The following STK11 variants were observed in gnomAD, a reference collection of about 807,000 sequenced individuals.
STK11 encodes the protein serine/threonine kinase 11, also known as serine/threonine-protein kinase STK11.
A neutral mutation model predicts 47.3 loss-of-function variants in STK11; 8 were observed. The observed-to-expected ratio is 0.17, with a 90% CI of 0.10 to 0.31. The LOEUF (loss-of-function observed/expected upper bound fraction) is 0.31, where lower values mean the gene tolerates loss of function less well. Among genes scored for constraint, STK11 ranks in the 10% least tolerant of loss-of-function variants. The probability of loss-of-function intolerance (pLI) is 1.00; values close to 1 mark genes in which losing one functional copy is unlikely to be tolerated. For missense variants in STK11, 475 were observed against 605.0 expected (o/e 0.79, Z 2.25); for synonymous variants, 330 against 255.8 (o/e 1.29, Z -2.77).
At chr19:1,220,216 C>G (rs1473371029) in intron 3 of STK11, 157 bp from the exon 4 acceptor site, 6 of 1,034,208 alleles carry the variant, frequency 5.8e-6, no homozygotes, top group African/African-American at 3.2e-5. Context: ...GTGTGGCTCC[C>G]TGCTGGACCT....
In STK11 at chr19:1,223,980, G is replaced by A; in HGVS notation, c.1108+808G>A. Reference sequence around the variant, plus strand: ...GGCAGGGGCCGGCCTGAGAAGGGGGGTACGCCAGGCAGGTTGGGATGTGAG... The same window carrying A: ...GGCAGGGGCCGGCCTGAGAAGGGGGATACGCCAGGCAGGTTGGGATGTGAG... On this transcript the variant is annotated intron_variant, in intron 8 of 9. Transcript: ENST00000326873. 3 of 1,009,410 alleles carry A rather than the reference G, an allele frequency of 3.0e-6. No individual in the cohort carries two copies. The East Asian group carries it at 2.1e-4, about 71-fold the overall frequency. The allele number at this position is 1,009,410 out of a possible 1,614,324, so 62.5% of individuals were successfully genotyped here.
rs1294118446 is a variant in STK11 at position 1,228,352 on chromosome 19, A to AGACGCGGCGGG, written c.*780_*790dup. 4 of 242,330 alleles carry AGACGCGGCGGG rather than the reference A, an allele frequency of 1.7e-5. No homozygotes were observed. Among genetic ancestry groups the AGACGCGGCGGG allele is most frequent in the Non-Finnish European group, 3.2e-5 (4 of 126,978 alleles). The allele number at this position is 242,330 out of a possible 1,614,324, so 15.0% of individuals were successfully genotyped here. A position where few individuals can be genotyped will look rare whatever the true frequency, so the allele number is the denominator to read the frequency against. Reference sequence around the variant, plus strand: ...GAGAAACGCCATCGCGGGATGGTGCAGACGCGGCGGGGACTCGGAGGGTGC... The same window carrying AGACGCGGCGGG: ...GAGAAACGCCATCGCGGGATGGTGCAGACGCGGCGGGGACGCGGCGGGGACTCGGAGGGTGC... On this transcript the variant is annotated 3_prime_UTR_variant, in exon 10 of 10. Coordinates refer to ENST00000326873, the MANE Select transcript of STK11 (RefSeq NM_000455.5).
intron 1 of STK11, among the ~76,000 whole-genome samples, chr19:1,215,408 G>C (rs1302141291): frequency 6.6e-6 from 1 of 152,230 alleles, no homozygotes; most frequent in Non-Finnish European, 1.5e-5. Flanking sequence ...CAGGGCACCG[G>C]GCACAGCCAG....
At chr19:1,225,667 G>A (rs1250902473) in intron 8 of STK11, 26 of 985,452 alleles carry the variant, frequency 2.6e-5, no homozygotes, top group African/African-American at 3.5e-5. Flanking sequence ...CATTCTCGGA[G>A]CTGGGGCTCT....
chr19:1,221,500 G>T lies in STK11; in HGVS notation c.862+160G>T, dbSNP rs188403333. ...CCGACCTCCCCGCAGGGCCTGGTTT[G>T]CCAGGTCCCTCAGCTCCACCCTGCT... is the stretch of plus-strand genomic sequence containing the variant. On this transcript the variant is annotated intron_variant, in intron 6 of 9. Transcript: ENST00000326873. 614 of 1,158,438 alleles carry T rather than the reference G, an allele frequency of 5.3e-4. 1 individual carries two copies. The highest frequency in any genetic ancestry group is 2.7e-3 in the Middle Eastern group (9 of 3,362). 71.8% of individuals were successfully genotyped at this position (1,158,438 alleles called of 1,614,324 possible). A position where few individuals can be genotyped will look rare whatever the true frequency, so the allele number is the denominator to read the frequency against.
At position 1,207,072 on chromosome 19, in the gene STK11, C is replaced by T. The variant is rs876660426; in HGVS notation, c.159C>T (p.Asp53=). 2 of 1,613,918 alleles carry T rather than the reference C, an allele frequency of 1.2e-6. No homozygotes were observed. Among genetic ancestry groups the T allele is most frequent in the African/African-American group, 1.3e-5 (1 of 75,034 alleles). ...TCATCGGCAAGTACCTGATGGGGGA[C>T]CTGCTGGGGGAAGGCTCTTACGGCA... The part of the protein sequence containing the change: ...AKLIGKYLMG[D]LLGEGSYGKV... The change falls in exon 1 of 10, where the codon GAC becomes GAT. Residue 53 remains aspartate (D), a synonymous_variant. Coordinates refer to ENST00000326873, the MANE Select transcript of STK11 (RefSeq NM_000455.5).
intron 8 of STK11, chr19:1,224,423 G>C: frequency 2.0e-6 from 2 of 985,404 alleles, no homozygotes; most frequent in Non-Finnish European, 1.2e-6. Flanking sequence ...CCATCCTTGG[G>C]GCCTGGCTGC....
rs1333834752 is a variant in STK11, at chr19:1,222,102, G to T, written c.920+96G>T. 20 of 1,426,512 alleles carry T rather than the reference G, an allele frequency of 1.4e-5. No individual in the cohort carries two copies. In the Middle Eastern group the frequency reaches 1.9e-3, roughly 137 times the overall value. 88.4% of individuals were successfully genotyped at this position (1,426,512 alleles called of 1,614,324 possible). A position where few individuals can be genotyped will look rare whatever the true frequency, so the allele number is the denominator to read the frequency against. On this transcript the variant is annotated intron_variant, in intron 7 of 9. Coordinates refer to ENST00000326873, the MANE Select transcript of STK11 (RefSeq NM_000455.5). Reference sequence around the variant, plus strand: ...GGCGCTAGAGCAGGGCGTGGTGGGGGTGCCAGGCTGGGCTGGGGCCAGACC... The same window carrying T: ...GGCGCTAGAGCAGGGCGTGGTGGGGTTGCCAGGCTGGGCTGGGGCCAGACC...
chr19:1,226,679 G>C lies in STK11; in HGVS notation c.*16+16G>C, dbSNP rs762548463. On this transcript the variant is annotated intron_variant, in intron 9 of 9. Transcript: ENST00000326873. ...CCGCCTGCAGGTGGGGCGCGGCGGGGCCCGGGTGGGGCATGTGGGGACAAC... is the reference window on the plus strand; with the variant it reads ...CCGCCTGCAGGTGGGGCGCGGCGGGCCCCGGGTGGGGCATGTGGGGACAAC... 3.7e-5 allele frequency: 55 copies of C among 1,479,868 alleles called. No individual in the cohort carries two copies. The East Asian group carries it at 1.3e-3, about 36-fold the overall frequency. 91.7% of individuals were successfully genotyped at this position (1,479,868 alleles called of 1,614,324 possible). A position where few individuals can be genotyped will look rare whatever the true frequency, so the allele number is the denominator to read the frequency against.
intron 1 of STK11, chr19:1,216,363 C>G (rs929707806): frequency 1.2e-5 from 2 of 171,796 alleles, no homozygotes; most frequent in Non-Finnish European, 2.5e-5. Context: ...CGGTGACTCA[C>G]GAGAGCAAGA....
chr19:1,227,647 G>C lies in STK11; in HGVS notation c.*71G>C. The C allele has an allele frequency of 1.9e-6, 2 of 1,067,858 alleles. No individual in the cohort carries two copies. Among genetic ancestry groups the C allele is most frequent in the South Asian group, 4.5e-5 (1 of 22,016 alleles). 66.1% of individuals were successfully genotyped at this position (1,067,858 alleles called of 1,614,324 possible). ...GCGCCAGGCCCTCAGTCTTCCTGCCGGTTCCGCCCGCCCTCCCGGAGAGGT... is the reference window on the plus strand; with the variant it reads ...GCGCCAGGCCCTCAGTCTTCCTGCCCGTTCCGCCCGCCCTCCCGGAGAGGT... On this transcript the variant is annotated 3_prime_UTR_variant, in exon 10 of 10. Coordinates refer to ENST00000326873, the MANE Select transcript of STK11 (RefSeq NM_000455.5).
At chr19:1,223,840 A>G (rs1328895190) in intron 8 of STK11, 2 of 1,026,854 alleles carry the variant, frequency 1.9e-6, no homozygotes, top group Non-Finnish European at 1.2e-6. Context: ...TGTTCGGCCC[A>G]GGGCTGGGCC....
At chr19:1,207,815 A>G (rs980650294) in intron 1 of STK11, among the ~76,000 whole-genome samples, 3 of 152,046 alleles carry the variant, frequency 2.0e-5, no homozygotes, top group Admixed American at 6.6e-5. Flanking sequence ...CCCGAGGGGG[A>G]CTGTGCCTCC....
Position 1,206,758 on chromosome 19 carries a change from G to A in STK11, c.-156G>A. 1 of 990,852 alleles carries A rather than the reference G, an allele frequency of 1.0e-6. No individual in the cohort carries two copies. 61.4% of individuals were successfully genotyped at this position (990,852 alleles called of 1,614,324 possible). A position where few individuals can be genotyped will look rare whatever the true frequency, so the allele number is the denominator to read the frequency against. On this transcript the variant is annotated 5_prime_UTR_variant, in exon 1 of 10. Transcript: ENST00000326873. ...ACGTGTAGAACAATCGTTTCTGTTG[G>A]AAGAAGGGTTTTTCCCTTCCTTTTG...
At chr19:1,224,233 A>G (rs1009868129) in intron 8 of STK11, 20 of 984,842 alleles carry the variant, frequency 2.0e-5, no homozygotes, top group African/African-American at 3.5e-5. Flanking sequence ...AGGATGCAGC[A>G]TGTGGGGGCC....
chr19:1,211,372 G>C (rs1256433971), intron 1 of STK11, among the ~76,000 whole-genome samples: 1 of 152,104 alleles, frequency 6.6e-6, no homozygotes, highest in Non-Finnish European at 1.5e-5. Context: ...GGAAGGGCTG[G>C]AAAGGGTCGC....
rs1167609100 is a variant in STK11 at position 1,220,645 on chromosome 19, C to T, written c.662C>T (p.Pro221Leu). The change falls in exon 5 of 10, where the codon CCG becomes CTG. Residue 221 changes from proline to leucine, a missense_variant. Physicochemically the swap from Pro to Leu is moderately conservative, Grantham distance 98. Transcript: ENST00000326873. ...AGCCAGGGCTCCCCGGCTTTCCAGCCGCCCGAGATTGCCAACGGCCTGGAC... is the reference window on the plus strand; with the variant it reads ...AGCCAGGGCTCCCCGGCTTTCCAGCTGCCCGAGATTGCCAACGGCCTGGAC... The part of the protein sequence containing the change: ...RTSQGSPAFQ[P>L]PEIANGLDTF... 1.2e-6 allele frequency: 2 copies of T among 1,609,014 alleles called. No individual in the cohort carries two copies. The highest frequency in any genetic ancestry group is 1.7e-6 in the Non-Finnish European group (2 of 1,178,294).
At position 1,228,326 on chromosome 19, in the gene STK11, C is replaced by T. The variant is rs1267044881; in HGVS notation, c.*750C>T. On this transcript the variant is annotated 3_prime_UTR_variant, in exon 10 of 10. Coordinates refer to ENST00000326873, the MANE Select transcript of STK11 (RefSeq NM_000455.5). ...TTATATCATCCAGAAAAGAAAAACACGAGAAACGCCATCGCGGGATGGTGC... is the reference window on the plus strand; with the variant it reads ...TTATATCATCCAGAAAAGAAAAACATGAGAAACGCCATCGCGGGATGGTGC... 1.6e-5 allele frequency: 4 copies of T among 256,048 alleles called. No individual in the cohort carries two copies. Among genetic ancestry groups the T allele is most frequent in the African/African-American group, 6.6e-5 (3 of 45,648 alleles). 15.9% of individuals were successfully genotyped at this position (256,048 alleles called of 1,614,324 possible). A position where few individuals can be genotyped will look rare whatever the true frequency, so the allele number is the denominator to read the frequency against.
Position 1,220,365 on chromosome 19 carries a change from GC to G in STK11, c.465-5del. 6.3e-7 allele frequency: 1 copy of G among 1,596,294 alleles called. No individual in the cohort carries two copies. The highest frequency in any genetic ancestry group is 8.5e-7 in the Non-Finnish European group (1 of 1,171,936). ...CTCGGCCCCAGGACGGGTGTGTGCT[GC>G]CCGCAGGTACTTCTGTCAGCTGATT... On this transcript the variant is annotated splice_region_variant and splice_polypyrimidine_tract_variant and intron_variant, in intron 3 of 9. Transcript: ENST00000326873.
Sources: allele counts gnomAD v4.1 joint callset (sites outside exome capture counted in the v4.1 genomes callset), GRCh38; gene constraint gnomAD v4.1.1; transcripts MANE v1.5; gene names NCBI Gene and HGNC (gene_info 2026-07-23, HGNC 2026-07-21).